The following SAMMSON variants were observed in gnomAD, a reference collection of about 807,000 sequenced individuals.
SAMMSON encodes the protein survival associated mitochondrial melanoma specific oncogenic non-coding RNA.
chr3:70,021,887 C>G (rs2067014652), intron 3 of SAMMSON, among the ~76,000 whole-genome samples: 1 of 151,944 alleles, frequency 6.6e-6, no homozygotes, highest in African/African-American at 2.4e-5. Context: ...AGGGCCATTT[C>G]TTTTTTAATA....
chr3:70,162,966 G>GT (rs2067622022), intron 4 of SAMMSON, among the ~76,000 whole-genome samples: 2 of 151,518 alleles, frequency 1.3e-5, no homozygotes, highest in Admixed American at 1.3e-4. Context: ...TACCCAACTT[G>GT]TTTTTTGTTT....
chr3:70,138,237 G>GT (rs1559521546), intron 4 of SAMMSON, among the ~76,000 whole-genome samples: 1 of 151,830 alleles, frequency 6.6e-6, no homozygotes, highest in African/African-American at 2.4e-5. Flanking sequence ...CCCATTTTTT[G>GT]TTTGTTTGTG....
At chr3:70,275,482 T>G (rs1702015234) in intron 6 of SAMMSON, among the ~76,000 whole-genome samples, 1 of 152,122 alleles carries the variant, frequency 6.6e-6, no homozygotes, top group Non-Finnish European at 1.5e-5. Context: ...GCCACTGCAT[T>G]CCAGAGCCTA....
At chr3:70,050,305 A>G (rs542662831) in intron 3 of SAMMSON, among the ~76,000 whole-genome samples, 2 of 152,284 alleles carry the variant, frequency 1.3e-5, no homozygotes, top group Non-Finnish European at 1.5e-5. Context: ...GAAAAACGCA[A>G]TATAGTTATT....
intron 6 of SAMMSON, among the ~76,000 whole-genome samples, chr3:70,255,285 A>G (rs527542530): frequency 6.6e-6 from 1 of 152,366 alleles, no homozygotes; most frequent in East Asian, 1.9e-4. Context: ...CAAAACTTCT[A>G]TGAAAAAACA....
chr3:70,009,282 G>A (rs2066943587), intron 1 of SAMMSON: 1 of 117,496 alleles, frequency 8.5e-6, no homozygotes. Flanking sequence ...ACTTTTTTTG[G>A]TTGGTAAGCT....
At chr3:70,347,168 A>G in intron 7 of SAMMSON, among the ~76,000 whole-genome samples, 1 of 152,236 alleles carries the variant, frequency 6.6e-6, no homozygotes, top group East Asian at 1.9e-4. Context: ...AGGCAAGTAA[A>G]TACATCATCA....
At chr3:70,256,168 A>G (rs115594670) in intron 6 of SAMMSON, among the ~76,000 whole-genome samples, 3,566 of 152,318 alleles carry the variant, frequency 0.023, 150 homozygotes, top group African/African-American at 0.081. Context: ...ACTCTTTAAG[A>G]TGGATCCTTT....
intron 7 of SAMMSON, among the ~76,000 whole-genome samples, chr3:70,297,990 T>A (rs191820299): frequency 1.3e-5 from 2 of 152,206 alleles, no homozygotes. Context: ...GGGGAGAAAT[T>A]TTTAAAAATT....
intron 3 of SAMMSON, chr3:70,030,326 T>G (rs2067059259): frequency 6.6e-6 from 1 of 152,358 alleles, no homozygotes; most frequent in African/African-American, 2.4e-5. Context: ...TTTGTCAATT[T>G]TCTTTAAGAT....
rs1701180051 is a variant in SAMMSON at position 70,406,578 on chromosome 3, A to G, written n.233+48254A>G. Among the ~76,000 whole-genome samples, 3 of 152,256 alleles carry G rather than the reference A, an allele frequency of 2.0e-5. No individual in the cohort carries two copies. The South Asian group carries it at 6.2e-4, about 31-fold the overall frequency. On this transcript the variant is annotated intron_variant and non_coding_transcript_variant, in intron 2 of 3. Transcript: ENST00000641053. ...TATAGAAATAAAATTTATGGCAACA[A>G]GAGCACAAAGGATGATAGAAGAGAA...
At chr3:70,087,514 T>C (rs1396360464) in intron 4 of SAMMSON, among the ~76,000 whole-genome samples, 2 of 152,176 alleles carry the variant, frequency 1.3e-5, no homozygotes, top group African/African-American at 4.8e-5. Context: ...TTTTGTGGAT[T>C]CCTTCCACAG....
chr3:70,356,101 A>G (rs1267463890), intron 8 of SAMMSON, among the ~76,000 whole-genome samples: 1 of 152,184 alleles, frequency 6.6e-6, no homozygotes, highest in Non-Finnish European at 1.5e-5. Flanking sequence ...TTACTGATCT[A>G]ACGGTAATGA....
At chr3:70,192,159 C>G (rs949523188) in intron 4 of SAMMSON, among the ~76,000 whole-genome samples, 17 of 152,164 alleles carry the variant, frequency 1.1e-4, no homozygotes, top group African/African-American at 4.1e-4. Flanking sequence ...CCACTTACCC[C>G]CTTTCCCCCA....
intron 4 of SAMMSON, among the ~76,000 whole-genome samples, chr3:70,073,826 C>T (rs1054122193): frequency 6.6e-6 from 1 of 152,054 alleles, no homozygotes; most frequent in Non-Finnish European, 1.5e-5. Flanking sequence ...GGAATCCTGG[C>T]TCTGCCATCA....
At chr3:70,082,808 A>G (rs1017138998) in intron 4 of SAMMSON, among the ~76,000 whole-genome samples, 2 of 152,182 alleles carry the variant, frequency 1.3e-5, no homozygotes, top group African/African-American at 4.8e-5. Context: ...AGCATCTACC[A>G]TGTACTGGTT....
intron 3 of SAMMSON, among the ~76,000 whole-genome samples, chr3:70,046,260 G>A (rs553771121): frequency 8.5e-5 from 13 of 152,130 alleles, no homozygotes; most frequent in African/African-American, 3.1e-4. Flanking sequence ...TATAAGTGAA[G>A]GTGACCAATG....
Position 70,093,840 on chromosome 3 carries a change from T to TA in SAMMSON, n.507+22282dup, listed in dbSNP as rs2067313819. 2.0e-5 allele frequency among the ~76,000 whole-genome samples: 3 copies of TA among 152,174 alleles called. No individual in the cohort carries two copies. In the South Asian group the frequency reaches 6.2e-4, roughly 32 times the overall value. ...GCAAAACCATATTGGCCCATTCATT[T>TA]AAAAAAATCTGTTTTCTAAAACCAA... is the stretch of plus-strand genomic sequence containing the variant. On this transcript the variant is annotated intron_variant and non_coding_transcript_variant, in intron 4 of 9. Transcript: ENST00000642114.
chr3:70,235,243 A>G (rs562191504), intron 4 of SAMMSON, among the ~76,000 whole-genome samples: 1 of 152,254 alleles, frequency 6.6e-6, no homozygotes, highest in East Asian at 1.9e-4. Context: ...TTGCATCTTC[A>G]GTCTTACTCT....
Sources: gnomAD v4.1 joint callset for allele counts (sites outside exome capture counted in the v4.1 genomes callset) on GRCh38, gnomAD v4.1.1 for gene constraint, MANE v1.5 for transcripts, NCBI Gene and HGNC (gene_info 2026-07-23, HGNC 2026-07-21) for gene names.